The following NEXMIF variants were observed in gnomAD, a reference collection of about 807,000 sequenced individuals.
NEXMIF encodes the protein XLMR protein related to neurite extension.
NEXMIF carries 8 observed loss-of-function variants against 62.1 expected under a neutral mutation model. The observed-to-expected ratio is 0.13, with a 90% CI of 0.08 to 0.23. The LOEUF (loss-of-function observed/expected upper bound fraction) is 0.23. Ranked by LOEUF, NEXMIF falls within the 10% of genes least tolerant of loss-of-function variation. NEXMIF has a pLI of 1.00. For missense variants in NEXMIF, 976 were observed against 1,113.3 expected (o/e 0.88, Z 1.75); for synonymous variants, 404 against 416.6 (o/e 0.97, Z 0.37).
intron 1 of NEXMIF, among the ~76,000 whole-genome samples, chrX:74,873,079 C>T (rs931943415): frequency 4.6e-5 from 5 of 109,030 alleles, no homozygotes; most frequent in East Asian, 2.9e-4. Flanking sequence ...CATGCTGGTG[C>T]GCTGCACCCA....
In NEXMIF at chrX:74,742,260, C is replaced by A. The variant is rs1031348126; in HGVS notation, c.2297G>T (p.Gly766Val). 8.3e-7 allele frequency: 1 copy of A among 1,209,817 alleles called. No homozygotes were observed. The highest frequency in any genetic ancestry group is 2.2e-5 in the Admixed American group (1 of 45,724). ...AGATAGACGGGAACTGTTTGATGTC[C>A]CAGGAATAACTTCATTCTTTAAATT... Reference protein sequence around the residue: ...KANLKNEVIPGTSNSSRLSEF... With the variant: ...KANLKNEVIPVTSNSSRLSEF... Residue 766 changes from glycine (G) to valine (V), a missense_variant, in exon 3 of 4, where the codon GGG becomes GTG. Gly to Val is a moderately radical substitution (Grantham distance 109). Transcript: ENST00000055682.
At chrX:74,890,444 G>C (rs2080713970) in intron 1 of NEXMIF, among the ~76,000 whole-genome samples, 1 of 110,254 alleles carries the variant, frequency 9.1e-6, no homozygotes. Flanking sequence ...AGAATATTAA[G>C]GAACCCAGGC....
chrX:74,863,195 C>A lies in NEXMIF; in HGVS notation c.-48+61688G>T, dbSNP rs755854954. On this transcript the variant is annotated intron_variant, in intron 1 of 3. Coordinates refer to ENST00000055682, the MANE Select transcript of NEXMIF (RefSeq NM_001008537.3). ...TCAAAAAAAAAAAAAAGTCTCCAATCAGCACCATAGCATCACAACTAAAAG... is the reference window on the plus strand; with the variant it reads ...TCAAAAAAAAAAAAAAGTCTCCAATAAGCACCATAGCATCACAACTAAAAG... 3.3e-3 allele frequency among the ~76,000 whole-genome samples: 350 copies of A among 106,379 alleles called. 2 individuals carry two copies. The highest frequency in any genetic ancestry group is 0.011 in the African/African-American group (333 of 29,216). The allele number at this position is 106,379 out of a possible 115,157, so 92.4% of individuals were successfully genotyped here. A position where few individuals can be genotyped will look rare whatever the true frequency, so the allele number is the denominator to read the frequency against.
At position 74,742,194 on chromosome X, in the gene NEXMIF, A is replaced by C. The variant is rs894871556; in HGVS notation, c.2363T>G (p.Leu788Arg). Reference protein sequence around the residue: ...EAKAAKSSTFLPTTCSSEMPL... With the variant: ...EAKAAKSSTFRPTTCSSEMPL... ...CATTTCAGAAGAGCATGTCGTTGGT[A>C]GAAAAGTGGAACTCTTAGCAGCCTT... Residue 788 changes from leucine (L) to arginine (R), a missense_variant, in exon 3 of 4, where the codon CTA (leucine) becomes CGA (arginine). Transcript: ENST00000055682. 1 of 1,209,933 alleles carries C rather than the reference A, an allele frequency of 8.3e-7. No homozygotes were observed. The highest frequency in any genetic ancestry group is 1.1e-6 in the Non-Finnish European group (1 of 895,053).
At chrX:74,896,488 CA>C (rs2080733231) in intron 1 of NEXMIF, among the ~76,000 whole-genome samples, 1 of 112,403 alleles carries the variant, frequency 8.9e-6, no homozygotes, top group Admixed American at 9.4e-5. Flanking sequence ...ATATTCTGTA[CA>C]TACTACAATT....
chrX:74,885,604 T>C (rs1450343741), intron 1 of NEXMIF, among the ~76,000 whole-genome samples: 2 of 111,395 alleles, frequency 1.8e-5, no homozygotes, highest in Non-Finnish European at 3.8e-5. Flanking sequence ...CAGGAAGAAG[T>C]TGAATCTCTG....
At position 74,743,420 on chromosome X, in the gene NEXMIF, G is replaced by C; in HGVS notation, c.1137C>G (p.Asn379Lys). 8.3e-7 allele frequency: 1 copy of C among 1,211,000 alleles called. No individual in the cohort carries two copies. Among genetic ancestry groups the C allele is most frequent in the Non-Finnish European group, 1.1e-6 (1 of 895,304 alleles). Reference sequence around the variant, plus strand: ...CCTCTTTGCCTTTCTTCTTGTCCAAGTTTTTATCTTCCTCCCCCCAGATGA... The same window carrying C: ...CCTCTTTGCCTTTCTTCTTGTCCAACTTTTTATCTTCCTCCCCCCAGATGA... ...VSIIWGEEDK[N>K]LDKKKGKEEG... Residue 379 changes from asparagine to lysine, a missense_variant, in exon 3 of 4, where the codon AAC becomes AAG. By Grantham distance (94) the Asn-to-Lys change is moderately conservative. Coordinates refer to ENST00000055682, the MANE Select transcript of NEXMIF (RefSeq NM_001008537.3).
intron 1 of NEXMIF, among the ~76,000 whole-genome samples, chrX:74,837,055 GGCTTTTTTC>G (rs2080459449): frequency 9.0e-6 from 1 of 111,107 alleles, no homozygotes; most frequent in Non-Finnish European, 1.9e-5. Flanking sequence ...AGCCCAGCAT[GGCTTTTTTC>G]TCCACTGTGA....
chrX:74,923,906 T>C (rs1193133683), intron 1 of NEXMIF, among the ~76,000 whole-genome samples: 1 of 112,380 alleles, frequency 8.9e-6, no homozygotes, highest in Non-Finnish European at 1.9e-5. Context: ...AAGCAAAATA[T>C]GAGACCCACT....
intron 1 of NEXMIF, among the ~76,000 whole-genome samples, chrX:74,891,902 C>T (rs1432602197): frequency 8.9e-6 from 1 of 112,192 alleles, no homozygotes; most frequent in Non-Finnish European, 1.9e-5. Context: ...CACAGCTCAA[C>T]CTGGAGGGAA....
intron 1 of NEXMIF, among the ~76,000 whole-genome samples, chrX:74,752,253 A>T (rs2080146677): frequency 9.0e-6 from 1 of 111,600 alleles, no homozygotes; most frequent in Non-Finnish European, 1.9e-5. Context: ...CCTTTCCTGT[A>T]TGCCTCTGAT....
intron 1 of NEXMIF, among the ~76,000 whole-genome samples, chrX:74,921,677 C>T (rs1240449501): frequency 9.1e-6 from 1 of 110,361 alleles, no homozygotes; most frequent in Non-Finnish European, 1.9e-5. Flanking sequence ...GGTGGAGAAA[C>T]TGTCCATTAG....
intron 1 of NEXMIF, among the ~76,000 whole-genome samples, chrX:74,878,501 C>A (rs1029859376): frequency 7.1e-5 from 8 of 112,863 alleles, no homozygotes; most frequent in Middle Eastern, 4.6e-3. Context: ...CCTCCTTGAG[C>A]TGTGGTGGTC....
chrX:74,839,793 T>C (rs2080468306), intron 1 of NEXMIF, among the ~76,000 whole-genome samples: 1 of 112,563 alleles, frequency 8.9e-6, no homozygotes, highest in Non-Finnish European at 1.9e-5. Context: ...GTGTATCACA[T>C]TTTCGTTATC....
intron 1 of NEXMIF, among the ~76,000 whole-genome samples, chrX:74,866,184 G>A (rs577430096): frequency 1.8e-5 from 2 of 112,082 alleles, no homozygotes; most frequent in South Asian, 7.5e-4. Flanking sequence ...GCCCAAGGCC[G>A]TGGGATCCCA....
At chrX:74,877,378 C>T (rs2080640534) in intron 1 of NEXMIF, among the ~76,000 whole-genome samples, 2 of 111,849 alleles carry the variant, frequency 1.8e-5, no homozygotes, top group Non-Finnish European at 3.8e-5. Flanking sequence ...GTCTGATGGG[C>T]TTCCCTTTGA....
chrX:74,831,437 T>A (rs1479566861), intron 1 of NEXMIF, among the ~76,000 whole-genome samples: 2 of 100,806 alleles, frequency 2.0e-5, no homozygotes, highest in Non-Finnish European at 3.9e-5. Flanking sequence ...AGTGAGAACA[T>A]GCGGTGTTTG....
At chrX:74,921,266 C>T (rs998003138) in intron 1 of NEXMIF, among the ~76,000 whole-genome samples, 1 of 110,805 alleles carries the variant, frequency 9.0e-6, no homozygotes, top group Non-Finnish European at 1.9e-5. Context: ...GGTCCTCACG[C>T]CTACCTGTAG....
chrX:74,902,519 A>G (rs2080752371), intron 1 of NEXMIF, among the ~76,000 whole-genome samples: 2 of 111,235 alleles, frequency 1.8e-5, no homozygotes. Context: ...GGGTACAAAA[A>G]GACTGGGAAG....
Sources: gnomAD v4.1 joint callset for allele counts (sites outside exome capture counted in the v4.1 genomes callset) on GRCh38, gnomAD v4.1.1 for gene constraint, MANE v1.5 for transcripts, NCBI Gene and HGNC (gene_info 2026-07-23, HGNC 2026-07-21) for gene names.